CDHR3: variants seen among roughly 807,000 people sequenced by gnomAD.
The protein encoded by CDHR3 is cadherin related family member 3, also known as cadherin-related family member 3.
Under a neutral mutation model 86.6 loss-of-function variants are expected in CDHR3, and 79 were observed. That is an observed-to-expected ratio of 0.91 (90% CI 0.76 to 1.10). The LOEUF is 1.10. Among genes scored for constraint, CDHR3 ranks in the 50% least tolerant of loss-of-function variants. The probability of loss-of-function intolerance (pLI) is 0.00; values close to 1 mark genes in which losing one functional copy is unlikely to be tolerated. For missense variants in CDHR3, 1,081 were observed against 1,077.6 expected (o/e 1.00, Z -0.04); for synonymous variants, 421 against 402.4 (o/e 1.05, Z -0.55).
rs115635869 is a variant in CDHR3, at chr7:105,985,200, C to A, written c.513+911C>A. ...TTCTTAATCAGTTTTCTTAATGTAG[C>A]TGCTAGTGGGGCAAGTATAACCACC... is the stretch of plus-strand genomic sequence containing the variant. On this transcript the variant is annotated intron_variant, in intron 4 of 18. Coordinates refer to ENST00000317716, the MANE Select transcript of CDHR3 (RefSeq NM_152750.5). Among the ~76,000 whole-genome samples, 500 of 152,262 alleles carry A rather than the reference C, an allele frequency of 3.3e-3. 4 individuals are homozygous for A. The highest frequency in any genetic ancestry group is 0.012 in the African/African-American group (479 of 41,564).
rs751062144 is a variant in CDHR3, at chr7:106,015,203, T to A, written c.1317T>A (p.Pro439=). Residue 439 remains proline, a synonymous_variant, in exon 10 of 19, where the codon CCT becomes CCA. Coordinates refer to ENST00000317716, the MANE Select transcript of CDHR3 (RefSeq NM_152750.5). ...VIIQVQDVAP[P]YYKNNVYVYI... is the part of the protein sequence containing the mutation. ...TCCAGGTGCAGGATGTGGCCCCCCC[T>A]TACTATAAAAGCAAGTATCATTTTG... 5 of 1,607,070 alleles carry A rather than the reference T, an allele frequency of 3.1e-6. No individual in the cohort carries two copies. In the East Asian group the frequency reaches 1.1e-4, roughly 36 times the overall value.
At position 106,015,155 on chromosome 7, in the gene CDHR3, C is replaced by T. The variant is rs369633139; in HGVS notation, c.1269C>T (p.Ala423=). 3.5e-5 allele frequency: 56 copies of T among 1,611,234 alleles called. No individual in the cohort carries two copies. Among genetic ancestry groups the T allele is most frequent in the Middle Eastern group, 3.3e-4 (2 of 6,080 alleles). The change falls in exon 10 of 19, where the codon GCC becomes GCT. Residue 423 remains alanine, a synonymous_variant. Coordinates refer to ENST00000317716, the MANE Select transcript of CDHR3 (RefSeq NM_152750.5). ...ACGAAAATCCAAGTAACCTAGCAGC[C>T]GGCAATAAATATACGGTGATAATCC... is the stretch of plus-strand genomic sequence containing the variant. ...LDYENPSNLA[A]GNKYTVIIQV...
chr7:106,011,113 T>G (rs1364473481), intron 8 of CDHR3, among the ~76,000 whole-genome samples: 1 of 152,194 alleles, frequency 6.6e-6, no homozygotes, highest in Non-Finnish European at 1.5e-5. Context: ...CCACGATATA[T>G]TTTTGTAAGA....
At position 105,966,326 on chromosome 7, in the gene CDHR3, C is replaced by T. The variant is rs550445106; in HGVS notation, c.46+2962C>T. Among the ~76,000 whole-genome samples the T allele has an allele frequency of 1.3e-3, 195 of 152,272 alleles. 2 individuals carry two copies. In the South Asian group the frequency reaches 0.013, roughly 11 times the overall value. The stretch of plus-strand genomic sequence containing the variant: ...CAGGGTATTTAATGAAAGAAGGGAT[C>T]CTTGGGAGCCAGAAGATTCACATGG... On this transcript the variant is annotated intron_variant, in intron 1 of 18. Transcript: ENST00000317716.
At position 106,012,875 on chromosome 7, in the gene CDHR3, A is replaced by G. The variant is rs1835032666; in HGVS notation, c.1068A>G (p.Glu356=). ...TTTTCACCAGCATTATGGTGCCGGA[A>G]AGAACAGCCAAGGGGACGTTGCTTC... ...QKFTFSIMVP[E]RTAKGTLLLD... is the part of the protein sequence containing the mutation. The change falls in exon 9 of 19, where the codon GAA becomes GAG. Residue 356 remains glutamate (E), a synonymous_variant. Transcript: ENST00000317716. 4 of 1,605,164 alleles carry G rather than the reference A, an allele frequency of 2.5e-6. No individual in the cohort carries two copies. In the South Asian group the frequency reaches 4.5e-5, roughly 18 times the overall value.
chr7:106,026,789 G>T, intron 16 of CDHR3, 94 bp downstream of exon 16: 1 of 1,307,758 alleles, frequency 7.6e-7, no homozygotes, highest in South Asian at 1.2e-5. Context: ...ATCAGGCCGC[G>T]ATCACATCTT....
intron 4 of CDHR3, among the ~76,000 whole-genome samples, chr7:105,990,470 G>T (rs1189120090): frequency 6.6e-6 from 1 of 152,158 alleles, no homozygotes; most frequent in Non-Finnish European, 1.5e-5. Context: ...AGGAATTGAG[G>T]CTTTTACAAA....
chr7:106,005,364 A>G (rs1833806245), intron 8 of CDHR3, among the ~76,000 whole-genome samples: 1 of 152,214 alleles, frequency 6.6e-6, no homozygotes. Context: ...TTTGAAAACA[A>G]TATTGTCTTT....
intron 8 of CDHR3, among the ~76,000 whole-genome samples, chr7:106,008,703 A>T (rs114328976): frequency 0.016 from 2,403 of 152,242 alleles, 64 homozygotes; most frequent in African/African-American, 0.053. Flanking sequence ...GTCTGGGCCC[A>T]GGGGATGGAG....
At chr7:106,004,372 G>C in intron 7 of CDHR3, 126 bp from the exon 8 acceptor site, 2 of 724,166 alleles carry the variant, frequency 2.8e-6, no homozygotes, top group South Asian at 3.8e-5. Context: ...AAATGTATTT[G>C]TATAGAGATT....
intron 11 of CDHR3, 32 bp from the exon 12 acceptor site, chr7:106,017,814 C>G (rs940685048): frequency 2.6e-6 from 4 of 1,514,258 alleles, no homozygotes; most frequent in Non-Finnish European, 2.7e-6. Flanking sequence ...CCCTTAAAAG[C>G]AGGACTTATT....
At chr7:106,004,767 C>T (rs1344941627) in intron 8 of CDHR3, 80 bp downstream of exon 8, 9 of 1,346,880 alleles carry the variant, frequency 6.7e-6, no homozygotes, top group Middle Eastern at 2.3e-4. Context: ...GGTATATTCT[C>T]AGGAGAATTA....
Position 105,994,752 on chromosome 7 carries a change from A to G in CDHR3, c.515A>G (p.Tyr172Cys), listed in dbSNP as rs959973205. 1.2e-6 allele frequency: 2 copies of G among 1,607,740 alleles called. No homozygotes were observed. The highest frequency in any genetic ancestry group is 1.7e-6 in the Non-Finnish European group (2 of 1,176,608). Residue 172 changes from tyrosine to cysteine, a missense_variant and splice_region_variant, in exon 5 of 19, where the codon TAT (tyrosine) becomes TGT (cysteine). Physicochemically the swap from Tyr to Cys is radical, Grantham distance 194. Coordinates refer to ENST00000317716, the MANE Select transcript of CDHR3 (RefSeq NM_152750.5). Reference sequence around the variant, plus strand: ...CAATTTTTTTCCCTTGTTTTTTAGTATTTCCTGATTTCTCCCCCAAAGAGC... The same window carrying G: ...CAATTTTTTTCCCTTGTTTTTTAGTGTTTCCTGATTTCTCCCCCAAAGAGC... ...EDTSRNIPLS[Y>C]FLISPPKSFR...
intron 1 of CDHR3, among the ~76,000 whole-genome samples, chr7:105,967,926 G>C (rs987085535): frequency 6.6e-6 from 1 of 152,202 alleles, no homozygotes; most frequent in African/African-American, 2.4e-5. Context: ...TCTGATGGTA[G>C]TTTCTTTTGC....
At position 105,994,277 on chromosome 7, in the gene CDHR3, C is replaced by T. The variant is rs1831847477; in HGVS notation, c.514-474C>T. Among the ~76,000 whole-genome samples, 3 of 151,850 alleles carry T rather than the reference C, an allele frequency of 2.0e-5. No homozygotes were observed. In the South Asian group the frequency reaches 6.3e-4, roughly 32 times the overall value. ...AGTCCTATTACCTAGTGGGTAGTAG[C>T]TGTATTAAATAGGTATAGTAGCTGT... On this transcript the variant is annotated intron_variant, in intron 4 of 18. Coordinates refer to ENST00000317716, the MANE Select transcript of CDHR3 (RefSeq NM_152750.5).
intron 16 of CDHR3, among the ~76,000 whole-genome samples, chr7:106,027,091 G>A (rs1585853135): frequency 6.6e-6 from 1 of 152,288 alleles, no homozygotes; most frequent in East Asian, 1.9e-4. Flanking sequence ...GCTGGACACA[G>A]GCCTCTTTTG....
chr7:105,992,944 A>G (rs1831580946), intron 4 of CDHR3, among the ~76,000 whole-genome samples: 2 of 152,270 alleles, frequency 1.3e-5, no homozygotes, highest in Non-Finnish European at 2.9e-5. Flanking sequence ...AAAATGGCTT[A>G]AAAACGTTAT....
rs1838697936 is a variant in CDHR3 at position 106,033,871 on chromosome 7, A to T, written c.*1174A>T. On this transcript the variant is annotated 3_prime_UTR_variant, in exon 19 of 19. Coordinates refer to ENST00000317716, the MANE Select transcript of CDHR3 (RefSeq NM_152750.5). The stretch of plus-strand genomic sequence containing the variant: ...TGCTGGAGCAATTGCTGGATCTGCC[A>T]AAGAGTTCCAAAGTGGTGGCTCTGA... 1 of 152,256 alleles carries T rather than the reference A, an allele frequency of 6.6e-6. No homozygotes were observed. Among genetic ancestry groups the T allele is most frequent in the Non-Finnish European group, 1.5e-5 (1 of 68,040 alleles). The allele number at this position is 152,256 out of a possible 1,614,324, so 9.4% of individuals were successfully genotyped here.
intron 1 of CDHR3, among the ~76,000 whole-genome samples, chr7:105,965,574 C>G (rs1008884169): frequency 1.6e-5 from 2 of 121,654 alleles, no homozygotes; most frequent in African/African-American, 5.5e-5. Context: ...CCCACCCCCC[C>G]CCATGGAGTC....
Sources: allele counts gnomAD v4.1 joint callset (sites outside exome capture counted in the v4.1 genomes callset), GRCh38; gene constraint gnomAD v4.1.1; transcripts MANE v1.5; gene names NCBI Gene and HGNC (gene_info 2026-07-23, HGNC 2026-07-21).